Variants in DST observed in about 807,000 individuals in gnomAD.
The protein encoded by DST is dystonin, also known as bullous pemphigoid antigen.
DST carries 253 observed loss-of-function variants against 875.2 expected under a neutral mutation model. The ratio of observed to expected loss-of-function variants is 0.29; its 90% CI spans 0.26 to 0.32. DST has a LOEUF of 0.32. DST is among the 10% of genes least tolerant of loss of function. The pLI is 1.00. For missense variants in DST, 8,287 were observed against 9,111.6 expected, an observed-to-expected ratio of 0.91 and a Z score of 3.68; for synonymous variants, 3,124 against 3,197.1, an observed-to-expected ratio of 0.98 and a Z score of 0.77.
Position 56,458,848 on chromosome 6 carries a change from A to G in DST, c.*157T>C. 3 of 801,790 alleles carry G rather than the reference A, an allele frequency of 3.7e-6. No individual in the cohort carries two copies. The East Asian group carries it at 8.6e-5, about 23-fold the overall frequency. 49.7% of individuals were successfully genotyped at this position (801,790 alleles called of 1,614,324 possible). On this transcript the variant is annotated 3_prime_UTR_variant, in exon 104 of 104. Transcript: ENST00000680361. The stretch of plus-strand genomic sequence containing the variant: ...CAGAATATCTGACAAAAAAAATTAT[A>G]CAGATAAAATAAAAAGACAAATACA...
chr6:56,666,976 T>A (rs1279904652), intron 10 of DST, among the ~76,000 whole-genome samples: 2 of 151,126 alleles, frequency 1.3e-5, no homozygotes, highest in African/African-American at 4.9e-5. Flanking sequence ...ATAGGCAGAG[T>A]CAAGCAACTG....
rs1331240210 is a variant in DST at position 56,843,655 on chromosome 6, C to G, written c.625+7742G>C. On this transcript the variant is annotated intron_variant, in intron 4 of 103. Coordinates refer to ENST00000680361, the MANE Select transcript of DST (RefSeq NM_001374736.1). The stretch of plus-strand genomic sequence containing the variant: ...GCTGCGCGGCGCATCTGCGGCATTT[C>G]CTGGCCGCCGCGCCGCAGACACTCG... 18 of 983,764 alleles carry G rather than the reference C, an allele frequency of 1.8e-5. No individual in the cohort carries two copies. In the East Asian group the frequency reaches 1.8e-3, roughly 101 times the overall value. The allele number at this position is 983,764 out of a possible 1,614,324, so 60.9% of individuals were successfully genotyped here.
In DST at chr6:56,469,940, A is replaced by G. The variant is rs751609035; in HGVS notation, c.22494T>C (p.Ala7498=). 3 of 1,613,514 alleles carry G rather than the reference A, an allele frequency of 1.9e-6. No individual in the cohort carries two copies. The highest frequency in any genetic ancestry group is 2.5e-6 in the Non-Finnish European group (3 of 1,179,498). The change falls in exon 97 of 104, where the codon GCT becomes GCC. Residue 7498 remains alanine (A), a synonymous_variant. Coordinates refer to ENST00000680361, the MANE Select transcript of DST (RefSeq NM_001374736.1). ...GAAATCGCTTTGCACATTTACACTT[A>G]GCTACCTGCCTTGTCACCTGCCAAA... ...KIEDEVTRQV[A]KCKCAKRFQV...
intron 4 of DST, among the ~76,000 whole-genome samples, chr6:56,776,227 C>T (rs2099678873): frequency 6.6e-6 from 1 of 152,172 alleles, no homozygotes; most frequent in African/African-American, 2.4e-5. Context: ...CTACAAAATA[C>T]CTGACCACTA....
chr6:56,875,500 G>T (rs987961083), intron 3 of DST, among the ~76,000 whole-genome samples: 6 of 152,240 alleles, frequency 3.9e-5, no homozygotes, highest in Admixed American at 2.6e-4. Context: ...CAACTGGGCA[G>T]TTGAAATAAT....
In DST at chr6:56,639,543, T is replaced by C; in HGVS notation, c.2766A>G (p.Glu922=). The C allele has an allele frequency of 6.2e-7, 1 of 1,613,886 alleles. No homozygotes were observed. The change falls in exon 21 of 104, where the codon GAA becomes GAG. Residue 922 remains glutamate, a synonymous_variant. Coordinates refer to ENST00000680361, the MANE Select transcript of DST (RefSeq NM_001374736.1). ...LHNFVSRATN[E]LIWLNEKEEE... ...CTTCTTTTTCATTCAACCAAATAAG[T>C]TCATTAGTCGCACGACTTACAAAAT...
chr6:56,930,882 C>CA (rs796907537), intron 2 of DST, among the ~76,000 whole-genome samples: 5 of 152,284 alleles, frequency 3.3e-5, no homozygotes, highest in African/African-American at 1.2e-4. Flanking sequence ...GATTGCATGA[C>CA]AAAATCCAAA....
Position 56,872,832 on chromosome 6 carries a change from C to CCCGCTTTT in DST, c.418-21229_418-21228insAAAAGCGG, listed in dbSNP as rs5876523. Among the ~76,000 whole-genome samples the CCCGCTTTT allele has an allele frequency of 1.6e-5, 2 of 127,860 alleles. 1 individual carries two copies. 83.9% of individuals were successfully genotyped at this position (127,860 alleles called of 152,430 possible). ...CTTCAATACACTGATTCCCCCCCCC[C>CCCGCTTTT]TTTTTTTTTTTTTCGGATATATACC... On this transcript the variant is annotated intron_variant, in intron 3 of 103. Transcript: ENST00000680361.
At chr6:56,719,042 T>C (rs775291849) in intron 5 of DST, among the ~76,000 whole-genome samples, 1 of 152,190 alleles carries the variant, frequency 6.6e-6, no homozygotes, top group Non-Finnish European at 1.5e-5. Flanking sequence ...AATTTTATAA[T>C]ATGTAAATTA....
At chr6:56,879,671 C>T (rs945896034) in intron 3 of DST, among the ~76,000 whole-genome samples, 2 of 152,058 alleles carry the variant, frequency 1.3e-5, no homozygotes, top group Admixed American at 6.5e-5. Flanking sequence ...AAGTAGTATA[C>T]CATGATTAAA....
chr6:56,672,232 C>T (rs2099105251), intron 9 of DST, among the ~76,000 whole-genome samples: 1 of 152,112 alleles, frequency 6.6e-6, no homozygotes, highest in African/African-American at 2.4e-5. Flanking sequence ...GCCTCGCAGC[C>T]CCTGACTTCA....
chr6:56,479,663 A>G (rs1014516320), intron 90 of DST, among the ~76,000 whole-genome samples: 1 of 152,202 alleles, frequency 6.6e-6, no homozygotes, highest in African/African-American at 2.4e-5. Context: ...ACCCTAAGTG[A>G]AGTAACTCAA....
At chr6:56,526,681 C>A (rs1008157869) in intron 68 of DST, 114 bp from the exon 69 acceptor site, 4 of 850,576 alleles carry the variant, frequency 4.7e-6, no homozygotes, top group South Asian at 2.1e-5. Flanking sequence ...TTGCCCCACT[C>A]CCCCCCTCCC....
intron 31 of DST, among the ~76,000 whole-genome samples, chr6:56,629,745 T>C (rs2098762112): frequency 6.6e-6 from 1 of 152,182 alleles, no homozygotes; most frequent in South Asian, 2.1e-4. Context: ...GTCTTTTTCA[T>C]TGTCTGCTTT....
chr6:56,851,812 A>G, intron 3 of DST: 2 of 1,551,720 alleles, frequency 1.3e-6, no homozygotes, highest in Non-Finnish European at 1.7e-6. Context: ...CAAGTCTCCA[A>G]TCGTAAAAAC....
At chr6:56,468,833 T>C (rs1184107355) in intron 98 of DST, 149 bp downstream of exon 98, 2 of 567,496 alleles carry the variant, frequency 3.5e-6, no homozygotes, top group South Asian at 3.4e-5. Flanking sequence ...AGGACCCTTA[T>C]AGCGTTTACA....
At position 56,611,530 on chromosome 6, in the gene DST, A is replaced by G; in HGVS notation, c.5125T>C (p.Phe1709Leu). 1.2e-6 allele frequency: 2 copies of G among 1,612,812 alleles called. No individual in the cohort carries two copies. The highest frequency in any genetic ancestry group is 1.7e-6 in the Non-Finnish European group (2 of 1,179,290). The change falls in exon 38 of 104, where the codon TTT (phenylalanine) becomes CTT (leucine). Residue 1709 changes from phenylalanine (F) to leucine (L), a missense_variant. Coordinates refer to ENST00000680361, the MANE Select transcript of DST (RefSeq NM_001374736.1). ...LSEALQTIQL[F>L]LAKHGDKMTD... Reference sequence around the variant, plus strand: ...TACTTGTCTCCATGTTTTGCCAAAAAAAGCTGTATAGTTTGAAGTGCTTCC... The same window carrying G: ...TACTTGTCTCCATGTTTTGCCAAAAGAAGCTGTATAGTTTGAAGTGCTTCC...
rs1442639943 is a variant in DST at position 56,529,726 on chromosome 6, C to A, written c.17317G>T (p.Val5773Phe). 6.2e-7 allele frequency: 1 copy of A among 1,611,096 alleles called. No homozygotes were observed. Among genetic ancestry groups the A allele is most frequent in the Non-Finnish European group, 8.5e-7 (1 of 1,178,776 alleles). Residue 5773 changes from valine (V) to phenylalanine (F), a missense_variant, in exon 66 of 104, where the codon GTT (valine) becomes TTT (phenylalanine). Val to Phe is a conservative substitution (Grantham distance 50). Around this residue, in one of 10 missense-constraint regions of DST, gnomAD observed 777 missense variants for 764.8 expected, o/e 1.02. Coordinates refer to ENST00000680361, the MANE Select transcript of DST (RefSeq NM_001374736.1). ...INHNKHLHQA[V>F]SIGQSLKVLS... is the part of the protein sequence containing the mutation. ...ACCTTTAAGGACTGGCCAATGCTAA[C>A]AGCCTGGTGTAAATGTTTATTGTGA...
intron 90 of DST, among the ~76,000 whole-genome samples, chr6:56,481,670 T>C (rs1435785275): frequency 1.3e-5 from 2 of 152,212 alleles, no homozygotes; most frequent in African/African-American, 2.4e-5. Flanking sequence ...ATCCTACGGG[T>C]ATAATTTTAT....
Sources: gnomAD v4.1 joint callset for allele counts (sites outside exome capture counted in the v4.1 genomes callset) on GRCh38, gnomAD v4.1.1 for gene constraint, gnomAD v4.1.1 regional missense constraint, MANE v1.5 for transcripts, NCBI Gene and HGNC (gene_info 2026-07-23, HGNC 2026-07-21) for gene names.